Variants in DZANK1 observed in about 807,000 individuals in gnomAD.
The protein encoded by DZANK1 is double zinc ribbon and ankyrin repeat domains 1, also known as double zinc ribbon and ankyrin repeat-containing protein 1.
In DZANK1, 91 loss-of-function variants were observed where a neutral mutation model predicts 94.5. That is an observed-to-expected ratio of 0.96 (90% CI 0.81 to 1.15). The LOEUF (loss-of-function observed/expected upper bound fraction) is 1.15. Ranked by LOEUF, DZANK1 falls within the 50% of genes most tolerant of loss-of-function variation. The pLI is 0.00. For missense variants in DZANK1, 903 were observed against 916.4 expected (o/e 0.99, Z 0.19); for synonymous variants, 312 against 325.3 (o/e 0.96, Z 0.44).
At chr20:18,440,787 G>C (rs551232478) in intron 8 of DZANK1, among the ~76,000 whole-genome samples, 1 of 152,242 alleles carries the variant, frequency 6.6e-6, no homozygotes, top group Admixed American at 6.5e-5. Flanking sequence ...GAGTGACAAG[G>C]GTAACAAGAC....
chr20:18,413,054 C>T lies in DZANK1; in HGVS notation c.1243-219G>A, dbSNP rs571248641. 2.3e-5 allele frequency: 14 copies of T among 601,638 alleles called. No individual in the cohort carries two copies. In the East Asian group the frequency reaches 3.6e-4, roughly 16 times the overall value. 37.3% of individuals were successfully genotyped at this position (601,638 alleles called of 1,614,324 possible). Reference sequence around the variant, plus strand: ...ACTTCCAGCCTGATCCAGGATTAGCCATTTATTATCTAAAAGTCAGCAAAT... The same window carrying T: ...ACTTCCAGCCTGATCCAGGATTAGCTATTTATTATCTAAAAGTCAGCAAAT... On this transcript the variant is annotated intron_variant, in intron 12 of 20. Transcript: ENST00000262547.
chr20:18,410,818 G>T (rs2057215768), intron 13 of DZANK1, among the ~76,000 whole-genome samples: 1 of 152,164 alleles, frequency 6.6e-6, no homozygotes, highest in South Asian at 2.1e-4. Flanking sequence ...AGGTGTGGTG[G>T]CTTGTGCCTG....
chr20:18,422,101 G>A (rs143860408), intron 10 of DZANK1, among the ~76,000 whole-genome samples: 69 of 152,012 alleles, frequency 4.5e-4, no homozygotes, highest in Middle Eastern at 3.4e-3. Flanking sequence ...TTTTGTTGCC[G>A]GTGCTTTGGG....
chr20:18,387,487 C>G (rs1363054631), intron 19 of DZANK1, among the ~76,000 whole-genome samples: 1 of 152,222 alleles, frequency 6.6e-6, no homozygotes, highest in African/African-American at 2.4e-5. Flanking sequence ...ACAGCTGAAC[C>G]TCTAAGAAGT....
intron 13 of DZANK1, among the ~76,000 whole-genome samples, chr20:18,402,682 C>A (rs1290920990): frequency 1.3e-5 from 2 of 152,176 alleles, no homozygotes; most frequent in African/African-American, 2.4e-5. Flanking sequence ...TCCTTTCGTT[C>A]CTGCTCTAAA....
chr20:18,405,478 A>C (rs772216103), intron 13 of DZANK1, among the ~76,000 whole-genome samples: 2 of 152,234 alleles, frequency 1.3e-5, no homozygotes, highest in Non-Finnish European at 2.9e-5. Flanking sequence ...GCTATTGAGC[A>C]TGCCAACATC....
intron 7 of DZANK1, among the ~76,000 whole-genome samples, 192 bp downstream of exon 7, chr20:18,448,792 A>C (rs1217006642): frequency 6.6e-6 from 1 of 150,394 alleles, no homozygotes; most frequent in East Asian, 2.0e-4. Context: ...GCTTGAACCC[A>C]GGAGGCGGAG....
At chr20:18,404,914 AG>A (rs1016087434) in intron 13 of DZANK1, among the ~76,000 whole-genome samples, 3 of 150,606 alleles carry the variant, frequency 2.0e-5, no homozygotes, top group Non-Finnish European at 3.0e-5. Context: ...CTTGACTCTT[AG>A]AAAAAAAAAA....
At chr20:18,421,870 T>C (rs903366936) in intron 10 of DZANK1, among the ~76,000 whole-genome samples, 5 of 152,208 alleles carry the variant, frequency 3.3e-5, no homozygotes, top group Non-Finnish European at 5.9e-5. Flanking sequence ...GCAGAAGCCA[T>C]GCAGGACTGC....
exon 15 of DZANK1, chr20:18,396,487 A>G: frequency 1.9e-6 from 3 of 1,613,090 alleles, no homozygotes; most frequent in Non-Finnish European, 2.5e-6. Flanking sequence ...TTGAGACTTG[A>G]CTATAATTCA....
At chr20:18,404,837 A>G (rs539830381) in intron 13 of DZANK1, among the ~76,000 whole-genome samples, 1 of 152,296 alleles carries the variant, frequency 6.6e-6, no homozygotes, top group Non-Finnish European at 1.5e-5. Flanking sequence ...TCTTGAGCCC[A>G]AGATTTGGAG....
chr20:18,431,612 G>C (rs925385322), intron 9 of DZANK1, among the ~76,000 whole-genome samples: 25 of 152,304 alleles, frequency 1.6e-4, no homozygotes, highest in African/African-American at 6.0e-4. Flanking sequence ...AGTAGAAGCA[G>C]TAATAGTGAT....
intron 8 of DZANK1, 154 bp from the exon 9 acceptor site, chr20:18,433,919 T>G: frequency 1.7e-6 from 1 of 597,620 alleles, no homozygotes; most frequent in South Asian, 2.4e-5. Context: ...TGGTTAGTAC[T>G]TGGTGGAAGA....
At chr20:18,460,305 G>A (rs1303089274) in exon 3 of DZANK1, 4 of 1,513,100 alleles carry the variant, frequency 2.6e-6, no homozygotes, top group East Asian at 2.3e-5. Flanking sequence ...CATCTGGAGT[G>A]TCTGAAAAAT....
intron 18 of DZANK1, 117 bp downstream of exon 18, chr20:18,390,262 T>C: frequency 1.1e-6 from 1 of 941,568 alleles, no homozygotes; most frequent in South Asian, 1.5e-5. Context: ...TCCCGGGTTT[T>C]TAATCAAAGG....
chr20:18,439,286 T>C (rs1348736493), intron 8 of DZANK1, among the ~76,000 whole-genome samples: 1 of 152,178 alleles, frequency 6.6e-6, no homozygotes, highest in Non-Finnish European at 1.5e-5. Context: ...AGACTTATGA[T>C]ATGTACTTGC....
At chr20:18,435,805 T>C (rs1230645581) in intron 8 of DZANK1, among the ~76,000 whole-genome samples, 1 of 151,714 alleles carries the variant, frequency 6.6e-6, no homozygotes, top group African/African-American at 2.4e-5. Flanking sequence ...GAGTAACCAT[T>C]CTTTTGTTTC....
intron 10 of DZANK1, among the ~76,000 whole-genome samples, chr20:18,416,144 C>T (rs1207984070): frequency 1.3e-5 from 2 of 152,134 alleles, no homozygotes; most frequent in Non-Finnish European, 2.9e-5. Flanking sequence ...CTGTCATTGT[C>T]CCCATCTTAC....
chr20:18,452,484 G>T, intron 6 of DZANK1, 131 bp downstream of exon 6: 1 of 1,085,176 alleles, frequency 9.2e-7, no homozygotes, highest in Non-Finnish European at 1.3e-6. Flanking sequence ...GTCCAGTACA[G>T]TATTCCCAGC....
Sources: allele counts gnomAD v4.1 joint callset (sites outside exome capture counted in the v4.1 genomes callset), GRCh38; gene constraint gnomAD v4.1.1; transcripts MANE v1.5; gene names NCBI Gene and HGNC (gene_info 2026-07-23, HGNC 2026-07-21).